The following CAPZB variants were observed in gnomAD, a reference collection of about 807,000 sequenced individuals.
The protein encoded by CAPZB is capping actin protein of muscle Z-line subunit beta.
A neutral mutation model predicts 38.1 loss-of-function variants in CAPZB; 2 were observed. That is an observed-to-expected ratio of 0.05 (90% CI 0.02 to 0.17). The LOEUF (loss-of-function observed/expected upper bound fraction) is 0.17. Among genes scored for constraint, CAPZB ranks in the 10% least tolerant of loss-of-function variants. The pLI is 1.00. For synonymous variants in CAPZB, 107 were observed against 127.4 expected (o/e 0.84, Z 1.08); for missense variants, 161 against 334.2 (o/e 0.48, Z 4.04).
At chr1:19,404,129 A>G (rs1439295177) in intron 2 of CAPZB, among the ~76,000 whole-genome samples, 1 of 149,014 alleles carries the variant, frequency 6.7e-6, no homozygotes, top group African/African-American at 2.5e-5. Context: ...GCTACTCGGG[A>G]GGCTGAAGCA....
At chr1:19,362,018 T>C (rs1244081157) in intron 4 of CAPZB, among the ~76,000 whole-genome samples, 2 of 152,190 alleles carry the variant, frequency 1.3e-5, no homozygotes, top group African/African-American at 4.8e-5. Context: ...TAATCCGCCC[T>C]GCCCTGGCCC....
intron 1 of CAPZB, among the ~76,000 whole-genome samples, chr1:19,483,495 G>A (rs565118405): frequency 6.6e-6 from 1 of 152,372 alleles, no homozygotes; most frequent in Non-Finnish European, 1.5e-5. Flanking sequence ...GCACACCACA[G>A]TGACTGGCAG....
At chr1:19,418,432 C>T (rs2094389276) in intron 2 of CAPZB, among the ~76,000 whole-genome samples, 1 of 152,132 alleles carries the variant, frequency 6.6e-6, no homozygotes, top group South Asian at 2.1e-4. Flanking sequence ...ATGTTACTAC[C>T]CCCCTGAAAT....
At position 19,338,786 on chromosome 1, in the gene CAPZB, C is replaced by G. The variant is rs1057459984; in HGVS notation, c.*744G>C. On this transcript the variant is annotated 3_prime_UTR_variant, in exon 9 of 9. Coordinates refer to ENST00000264202, the MANE Select transcript of CAPZB (RefSeq NM_004930.5). Reference sequence around the variant, plus strand: ...CAGAAGGCCAGCGCTAACTGCGCCCCAGTTTCTTTTTATTGATTTCTTTTC... The same window carrying G: ...CAGAAGGCCAGCGCTAACTGCGCCCGAGTTTCTTTTTATTGATTTCTTTTC... 2 of 152,574 alleles carry G rather than the reference C, an allele frequency of 1.3e-5. No individual in the cohort carries two copies. The highest frequency in any genetic ancestry group is 4.8e-5 in the African/African-American group (2 of 41,474). 9.5% of individuals were successfully genotyped at this position (152,574 alleles called of 1,614,324 possible). A position where few individuals can be genotyped will look rare whatever the true frequency, so the allele number is the denominator to read the frequency against.
intron 6 of CAPZB, among the ~76,000 whole-genome samples, chr1:19,351,572 T>C (rs1449498570): frequency 2.0e-5 from 3 of 152,140 alleles, no homozygotes; most frequent in Non-Finnish European, 2.9e-5. Context: ...CCTCAGCCTC[T>C]CAAAGTGCTG....
intron 1 of CAPZB, among the ~76,000 whole-genome samples, chr1:19,472,246 G>C (rs2094591232): frequency 6.6e-6 from 1 of 152,222 alleles, no homozygotes; most frequent in Admixed American, 6.5e-5. Flanking sequence ...GTCATGAACT[G>C]AGGACATGGA....
At chr1:19,349,663 G>GGA (rs1429994147) in intron 6 of CAPZB, among the ~76,000 whole-genome samples, 3 of 152,194 alleles carry the variant, frequency 2.0e-5, no homozygotes, top group Non-Finnish European at 2.9e-5. Context: ...GGAGAGGGCT[G>GGA]GGTCTTGCAG....
intron 1 of CAPZB, among the ~76,000 whole-genome samples, chr1:19,468,397 C>T (rs1053096822): frequency 9.2e-5 from 14 of 152,162 alleles, no homozygotes; most frequent in African/African-American, 3.1e-4. Context: ...CTCAACCAAG[C>T]GCCATCCACT....
At chr1:19,473,379 A>G (rs187786775) in intron 1 of CAPZB, among the ~76,000 whole-genome samples, 2 of 152,342 alleles carry the variant, frequency 1.3e-5, no homozygotes, top group Admixed American at 1.3e-4. Context: ...AATAACTACA[A>G]GGTTAAGCAC....
intron 1 of CAPZB, chr1:19,449,217 C>G (rs1374045870): frequency 8.8e-7 from 1 of 1,138,208 alleles, no homozygotes; most frequent in Non-Finnish European, 1.1e-6. Flanking sequence ...CTTCCCAAAG[C>G]CGGAACCAGG....
intron 1 of CAPZB, among the ~76,000 whole-genome samples, chr1:19,457,173 GGA>G (rs1229422201): frequency 1.3e-5 from 2 of 152,190 alleles, no homozygotes; most frequent in African/African-American, 4.8e-5. Flanking sequence ...AGGGGCCTTG[GGA>G]TTAATGGACT....
intron 2 of CAPZB, among the ~76,000 whole-genome samples, chr1:19,414,993 A>G (rs1051419676): frequency 1.3e-5 from 2 of 152,260 alleles, no homozygotes; most frequent in Non-Finnish European, 2.9e-5. Context: ...TGCTGGGAAG[A>G]AAAAAGAAAG....
chr1:19,403,854 A>G (rs2094316008), intron 2 of CAPZB, among the ~76,000 whole-genome samples: 1 of 152,212 alleles, frequency 6.6e-6, no homozygotes, highest in East Asian at 1.9e-4. Flanking sequence ...ACTGGCCTTC[A>G]GCAGCCTGAG....
chr1:19,370,413 G>A (rs1337926368), intron 4 of CAPZB, among the ~76,000 whole-genome samples: 1 of 152,208 alleles, frequency 6.6e-6, no homozygotes, highest in African/African-American at 2.4e-5. Flanking sequence ...CTGGGGTCCT[G>A]AGAAACCAGG....
intron 3 of CAPZB, among the ~76,000 whole-genome samples, chr1:19,382,078 T>C (rs889709231): frequency 6.6e-6 from 1 of 152,042 alleles, no homozygotes; most frequent in Non-Finnish European, 1.5e-5. Flanking sequence ...CGCCTTCCTG[T>C]AGGCTGGGAA....
intron 1 of CAPZB, among the ~76,000 whole-genome samples, chr1:19,421,605 G>A (rs2094401224): frequency 6.6e-6 from 1 of 152,234 alleles, no homozygotes; most frequent in Admixed American, 6.5e-5. Context: ...CAAGGCCACA[G>A]TGATGGGTTT....
intron 2 of CAPZB, among the ~76,000 whole-genome samples, chr1:19,393,124 T>C (rs2100280636): frequency 6.6e-6 from 1 of 152,346 alleles, no homozygotes; most frequent in East Asian, 1.9e-4. Flanking sequence ...TTAGGAACAC[T>C]GAGCCACGGA....
chr1:19,348,748 G>A (rs1286478067), intron 6 of CAPZB, among the ~76,000 whole-genome samples: 13 of 123,540 alleles, frequency 1.1e-4, no homozygotes, highest in African/African-American at 4.4e-4. Context: ...GAAAACGGGT[G>A]GCATCTGACA....
intron 4 of CAPZB, among the ~76,000 whole-genome samples, chr1:19,371,667 G>C (rs2100389635): frequency 1.3e-5 from 2 of 152,076 alleles, no homozygotes; most frequent in Middle Eastern, 3.4e-3. Context: ...CTTCTGCCTG[G>C]GAAGCCCCCC....
Sources: gnomAD v4.1 joint callset for allele counts (sites outside exome capture counted in the v4.1 genomes callset) on GRCh38, gnomAD v4.1.1 for gene constraint, MANE v1.5 for transcripts, NCBI Gene and HGNC (gene_info 2026-07-23, HGNC 2026-07-21) for gene names.